The following XYLB variants were observed in gnomAD, a reference collection of about 807,000 sequenced individuals.
The protein encoded by XYLB is xylulose kinase.
A neutral mutation model predicts 78.7 loss-of-function variants in XYLB; 62 were observed. That is an observed-to-expected ratio of 0.79 (90% CI 0.64 to 0.97). The LOEUF is 0.97. Among genes scored for constraint, XYLB ranks in the 50% least tolerant of loss-of-function variants. The probability of loss-of-function intolerance (pLI) is 0.00; values close to 1 mark genes in which losing one functional copy is unlikely to be tolerated. For synonymous variants in XYLB, 245 were observed against 247.4 expected, an observed-to-expected ratio of 0.99 and a Z score of 0.09; for missense variants, 687 against 676.8, an observed-to-expected ratio of 1.02 and a Z score of -0.17.
chr3:38,419,848 T>A (rs1184417667), downstream of XYLB, among the ~76,000 whole-genome samples: 3 of 151,640 alleles, frequency 2.0e-5, no homozygotes, highest in Admixed American at 1.3e-4. Flanking sequence ...TTAGATGGAG[T>A]CTTGCTCTGT....
At chr3:38,366,646 G>A (rs571453563) in intron 6 of XYLB, among the ~76,000 whole-genome samples, 162 bp from the exon 7 acceptor site, 1 of 152,268 alleles carries the variant, frequency 6.6e-6, no homozygotes, top group Non-Finnish European at 1.5e-5. Context: ...TGAGTAGCTG[G>A]GATTACAAGC....
chr3:38,431,953 T>C, the XYLB span, among the ~76,000 whole-genome samples: 5 of 151,950 alleles, frequency 3.3e-5, no homozygotes, highest in East Asian at 3.9e-4. Flanking sequence ...TAATTCAAGA[T>C]TGAAAAAAAA....
chr3:38,388,709 C>A (rs1041840528), intron 15 of XYLB, among the ~76,000 whole-genome samples: 8 of 152,204 alleles, frequency 5.3e-5, no homozygotes, highest in African/African-American at 1.9e-4. Flanking sequence ...GTTATATCCA[C>A]AACATGATCT....
chr3:38,405,499 G>A (rs1708278506), intron 18 of XYLB, among the ~76,000 whole-genome samples: 1 of 152,200 alleles, frequency 6.6e-6, no homozygotes, highest in Non-Finnish European at 1.5e-5. Context: ...GAGGTACTGG[G>A]TTCATCTCAC....
chr3:38,440,279 T>C, the XYLB span, among the ~76,000 whole-genome samples: 1 of 152,236 alleles, frequency 6.6e-6, no homozygotes, highest in Non-Finnish European at 1.5e-5. Context: ...TCAATTATTC[T>C]TTGCTATTAA....
At chr3:38,417,510 G>A (rs1026340698), downstream of XYLB, among the ~76,000 whole-genome samples, 1 of 152,106 alleles carries the variant, frequency 6.6e-6, no homozygotes, top group Non-Finnish European at 1.5e-5. Context: ...GCATTAACCT[G>A]GATTAAAAGG....
the XYLB span, among the ~76,000 whole-genome samples, chr3:38,447,776 T>C: frequency 6.6e-6 from 1 of 152,172 alleles, no homozygotes; most frequent in Non-Finnish European, 1.5e-5. Flanking sequence ...AAGGAATCAA[T>C]ATATTAAAGG....
At chr3:38,373,190 T>C (rs2125597569) in intron 10 of XYLB, among the ~76,000 whole-genome samples, 1 of 152,284 alleles carries the variant, frequency 6.6e-6, no homozygotes, top group South Asian at 2.1e-4. Flanking sequence ...CCTCATCTCC[T>C]TCCCTAGCCT....
intron 2 of XYLB, among the ~76,000 whole-genome samples, chr3:38,351,887 A>G (rs1351431012): frequency 6.6e-6 from 1 of 152,218 alleles, no homozygotes; most frequent in African/African-American, 2.4e-5. Flanking sequence ...TCATTGTATG[A>G]TGTTGTATGG....
intron 3 of XYLB, 58 bp downstream of exon 3, chr3:38,360,466 G>C (rs953188419): frequency 1.4e-6 from 2 of 1,466,326 alleles, no homozygotes; most frequent in Admixed American, 4.2e-5. Context: ...TGGCAGACTC[G>C]GTGATTTGCT....
chr3:38,366,335 G>A (rs1195778017), intron 6 of XYLB, among the ~76,000 whole-genome samples: 4 of 152,054 alleles, frequency 2.6e-5, no homozygotes, highest in African/African-American at 9.7e-5. Flanking sequence ...CAGTCACCGT[G>A]CTGTGTGAAG....
At chr3:38,402,812 C>G (rs981136194) in intron 18 of XYLB, among the ~76,000 whole-genome samples, 2 of 152,150 alleles carry the variant, frequency 1.3e-5, no homozygotes, top group African/African-American at 4.8e-5. Flanking sequence ...GTCATCTTCC[C>G]TGCAATTCCT....
At chr3:38,381,006 C>G (rs895255039) in intron 15 of XYLB, among the ~76,000 whole-genome samples, 1 of 152,118 alleles carries the variant, frequency 6.6e-6, no homozygotes, top group Non-Finnish European at 1.5e-5. Flanking sequence ...CACAGTGGCT[C>G]ACACCTGTAA....
rs58457623 is a variant in XYLB, at chr3:38,351,171, C to CAAAA, written c.140+2564_140+2567dup. On this transcript the variant is annotated intron_variant, in intron 2 of 18. Coordinates refer to ENST00000207870, the MANE Select transcript of XYLB (RefSeq NM_005108.4). Reference sequence around the variant, plus strand: ...TGGACAACAGAGGGAGAGCCTGTCTCAAAAAAAAAAAAAAAAAAAAAAAAA... The same window carrying CAAAA: ...TGGACAACAGAGGGAGAGCCTGTCTCAAAAAAAAAAAAAAAAAAAAAAAAAAAAA... Among the ~76,000 whole-genome samples the CAAAA allele has an allele frequency of 1.3e-3, 29 of 23,076 alleles. 4 individuals are homozygous for CAAAA. The highest frequency in any genetic ancestry group is 2.2e-3 in the East Asian group (2 of 898). The allele number at this position is 23,076 out of a possible 152,430, so 15.1% of individuals were successfully genotyped here. A position where few individuals can be genotyped will look rare whatever the true frequency, so the allele number is the denominator to read the frequency against.
chr3:38,403,951 C>T lies in XYLB; in HGVS notation c.1533+2966C>T, dbSNP rs115843456. 7.0e-3 allele frequency among the ~76,000 whole-genome samples: 1,064 copies of T among 152,200 alleles called. 8 individuals carry two copies. The highest frequency in any genetic ancestry group is 0.025 in the African/African-American group (1,019 of 41,538). ...CAGTGACAGTCTATATGATTGTCAGCGTATGTGACTTATATGCAGACTGAA... is the reference window on the plus strand; with the variant it reads ...CAGTGACAGTCTATATGATTGTCAGTGTATGTGACTTATATGCAGACTGAA... On this transcript the variant is annotated intron_variant, in intron 18 of 18. Coordinates refer to ENST00000207870, the MANE Select transcript of XYLB (RefSeq NM_005108.4).
At chr3:38,383,786 A>G (rs1053592731) in intron 15 of XYLB, among the ~76,000 whole-genome samples, 1 of 152,104 alleles carries the variant, frequency 6.6e-6, no homozygotes, top group Non-Finnish European at 1.5e-5. Context: ...GAGCGAGACC[A>G]TGTCTCAAAA....
the XYLB span, among the ~76,000 whole-genome samples, chr3:38,443,166 G>A: frequency 1.5e-4 from 23 of 152,188 alleles, no homozygotes; most frequent in Non-Finnish European, 2.6e-4. Context: ...GCCGACCAGG[G>A]CAGGAGATTA....
At chr3:38,415,558 A>G (rs891586332), downstream of XYLB, among the ~76,000 whole-genome samples, 1 of 152,070 alleles carries the variant, frequency 6.6e-6, no homozygotes, top group Non-Finnish European at 1.5e-5. Context: ...TGAGGCAGGA[A>G]GATCACCTGA....
intron 15 of XYLB, among the ~76,000 whole-genome samples, chr3:38,390,710 A>G (rs1426174627): frequency 1.3e-5 from 2 of 151,998 alleles, no homozygotes; most frequent in Admixed American, 1.3e-4. Flanking sequence ...TTTTGTAGGG[A>G]CAGAATCTTT....
Sources: gnomAD v4.1 joint callset for allele counts (sites outside exome capture counted in the v4.1 genomes callset) on GRCh38, gnomAD v4.1.1 for gene constraint, MANE v1.5 for transcripts, NCBI Gene and HGNC (gene_info 2026-07-23, HGNC 2026-07-21) for gene names.